Variants in MPP7 observed in about 807,000 individuals in gnomAD.
MPP7 encodes MAGUK p55 subfamily member 7.
A neutral mutation model predicts 76.5 loss-of-function variants in MPP7; 60 were observed. The observed-to-expected ratio is 0.78, with a 90% CI of 0.64 to 0.97. The LOEUF (loss-of-function observed/expected upper bound fraction) is 0.97, where lower values mean the gene tolerates loss of function less well. MPP7 is among the 50% of genes least tolerant of loss of function. The pLI is 0.00. For synonymous variants in MPP7, 237 were observed against 244.5 expected, an observed-to-expected ratio of 0.97 and a Z score of 0.29; for missense variants, 641 against 694.0, an observed-to-expected ratio of 0.92 and a Z score of 0.86.
chr10:28,271,990 A>C (rs1840341421), intron 1 of MPP7, among the ~76,000 whole-genome samples: 1 of 152,088 alleles, frequency 6.6e-6, no homozygotes, highest in South Asian at 2.1e-4. Flanking sequence ...ACAAACAAAA[A>C]AAAGATTCTG....
At chr10:28,232,070 T>G (rs1164484777) in intron 2 of MPP7, among the ~76,000 whole-genome samples, 1 of 152,086 alleles carries the variant, frequency 6.6e-6, no homozygotes, top group African/African-American at 2.4e-5. Context: ...CAAAAATCAG[T>G]GTAAGGCCAG....
At chr10:28,164,532 T>G (rs561653696) in intron 3 of MPP7, among the ~76,000 whole-genome samples, 2 of 152,034 alleles carry the variant, frequency 1.3e-5, no homozygotes, top group Non-Finnish European at 2.9e-5. Context: ...ATTAAAAAAG[T>G]GTGGGTAAGC....
rs763456607 is a variant in MPP7 at position 28,151,170 on chromosome 10, TAA to T, written c.157-1113_157-1112del. Among the ~76,000 whole-genome samples, 78 of 152,202 alleles carry T rather than the reference TAA, an allele frequency of 5.1e-4. 1 individual carries two copies. The highest frequency in any genetic ancestry group is 2.1e-4 in the Non-Finnish European group (14 of 68,036). On this transcript the variant is annotated intron_variant, in intron 3 of 16. Transcript: ENST00000683449. ...ATTCTGATTAGCCAGATGCTATTGC[TAA>T]GAGAGGATTCTATTACCTTTTTGGC...
chr10:28,228,961 A>G (rs1467446357), intron 2 of MPP7, among the ~76,000 whole-genome samples: 2 of 152,210 alleles, frequency 1.3e-5, no homozygotes, highest in Admixed American at 6.5e-5. Context: ...ACTGAACTAT[A>G]TAAGAGGGTT....
intron 3 of MPP7, among the ~76,000 whole-genome samples, chr10:28,171,371 T>A (rs1302354640): frequency 6.6e-6 from 1 of 152,236 alleles, no homozygotes; most frequent in African/African-American, 2.4e-5. Flanking sequence ...ACTTCCTTTT[T>A]ATTTTTAACC....
rs116478040 is a variant in MPP7 at position 28,215,646 on chromosome 10, T to C, written c.38-13375A>G. Among the ~76,000 whole-genome samples, 920 of 152,266 alleles carry C rather than the reference T, an allele frequency of 6.0e-3. 11 individuals carry two copies. The highest frequency in any genetic ancestry group is 0.021 in the African/African-American group (885 of 41,544). ...GTAGCATGCTTAGACTCTAGGCTCA[T>C]GCTTAGACTCTAGAGCCATGCGACA... On this transcript the variant is annotated intron_variant, in intron 2 of 16. Coordinates refer to ENST00000683449, the MANE Select transcript of MPP7 (RefSeq NM_001318170.2).
At chr10:28,104,675 T>A (rs1853987317) in intron 11 of MPP7, among the ~76,000 whole-genome samples, 2 of 152,206 alleles carry the variant, frequency 1.3e-5, no homozygotes. Flanking sequence ...ACAGCTTCCA[T>A]AAAAGAAGAT....
chr10:28,184,976 ATTT>A (rs1270196021), intron 3 of MPP7, among the ~76,000 whole-genome samples: 1 of 147,022 alleles, frequency 6.8e-6, no homozygotes. Context: ...TTAATATATT[ATTT>A]ATTAATTGAT....
intron 1 of MPP7, among the ~76,000 whole-genome samples, chr10:28,269,622 C>G (rs1250889978): frequency 6.6e-6 from 1 of 151,354 alleles, no homozygotes; most frequent in African/African-American, 2.4e-5. Context: ...CAACTCCTGG[C>G]CTCAAGTGAT....
chr10:28,189,325 G>T (rs1588901380), intron 3 of MPP7, among the ~76,000 whole-genome samples: 1 of 152,174 alleles, frequency 6.6e-6, no homozygotes, highest in East Asian at 1.9e-4. Context: ...CACTTTGGGA[G>T]GCTAAGGCGG....
At chr10:28,181,644 C>T (rs1837063349) in intron 3 of MPP7, among the ~76,000 whole-genome samples, 1 of 152,242 alleles carries the variant, frequency 6.6e-6, no homozygotes, top group Non-Finnish European at 1.5e-5. Flanking sequence ...TTCCTTTAAT[C>T]AGGCAATCTC....
chr10:28,082,652 A>C (rs913641842), intron 12 of MPP7, among the ~76,000 whole-genome samples: 1 of 152,046 alleles, frequency 6.6e-6, no homozygotes, highest in African/African-American at 2.4e-5. Context: ...TGTTTTTTAT[A>C]AAGATGGAGT....
At chr10:28,188,445 C>T (rs984236374) in intron 3 of MPP7, among the ~76,000 whole-genome samples, 1 of 151,990 alleles carries the variant, frequency 6.6e-6, no homozygotes, top group Admixed American at 6.6e-5. Flanking sequence ...ACTTCCAAGT[C>T]GCATGATATG....
chr10:28,255,076 A>C (rs773344477), intron 1 of MPP7, among the ~76,000 whole-genome samples: 1 of 152,176 alleles, frequency 6.6e-6, no homozygotes, highest in Non-Finnish European at 1.5e-5. Context: ...AAATGTATGC[A>C]CTCACTCTAA....
chr10:28,328,339 C>T (rs1148184), intron 2 of MPP7, among the ~76,000 whole-genome samples: 76,860 of 151,906 alleles, frequency 0.51, 20,250 homozygotes, highest in African/African-American at 0.66. Context: ...GTATTCCCTC[C>T]TTTTCAGTAG....
chr10:28,224,413 C>T (rs746353471), intron 2 of MPP7, among the ~76,000 whole-genome samples: 1 of 150,746 alleles, frequency 6.6e-6, no homozygotes. Flanking sequence ...TGTTAAAATG[C>T]TCTTTTCATT....
At chr10:28,163,268 T>G (rs1340387492) in intron 3 of MPP7, among the ~76,000 whole-genome samples, 1 of 152,174 alleles carries the variant, frequency 6.6e-6, no homozygotes, top group Non-Finnish European at 1.5e-5. Flanking sequence ...CCAGAGCCTT[T>G]CCCAACTTAG....
chr10:28,154,884 A>G (rs1163548227), intron 3 of MPP7, among the ~76,000 whole-genome samples: 1 of 152,142 alleles, frequency 6.6e-6, no homozygotes, highest in Non-Finnish European at 1.5e-5. Flanking sequence ...TTCTTCAAAA[A>G]TCTGTATTTC....
At chr10:28,068,941 A>G (rs1196284294) in intron 13 of MPP7, among the ~76,000 whole-genome samples, 1 of 152,166 alleles carries the variant, frequency 6.6e-6, no homozygotes, top group Non-Finnish European at 1.5e-5. Context: ...AAATCTGTGT[A>G]ATTTAGCGCA....
Sources: allele counts gnomAD v4.1 joint callset (sites outside exome capture counted in the v4.1 genomes callset), GRCh38; gene constraint gnomAD v4.1.1; transcripts MANE v1.5; gene names NCBI Gene and HGNC (gene_info 2026-07-23, HGNC 2026-07-21).